Variants in JAKMIP1 observed in about 807,000 individuals in gnomAD.
The protein encoded by JAKMIP1 is janus kinase and microtubule interacting protein 1.
A neutral mutation model predicts 113.0 loss-of-function variants in JAKMIP1; 33 were observed. The ratio of observed to expected loss-of-function variants is 0.29; its 90% CI spans 0.22 to 0.39. JAKMIP1 has a LOEUF of 0.39. Among genes scored for constraint, JAKMIP1 ranks in the 10% least tolerant of loss-of-function variants. The probability of loss-of-function intolerance (pLI) is 1.00; values close to 1 mark genes in which losing one functional copy is unlikely to be tolerated. For synonymous variants in JAKMIP1, 480 were observed against 459.9 expected (o/e 1.04, Z -0.56); for missense variants, 813 against 1,080.5 (o/e 0.75, Z 3.47).
chr4:6,156,830 G>A lies in JAKMIP1; in HGVS notation c.-148+43423C>T, dbSNP rs1485224667. ...CACACCTGGCACATGGACATGGTCT[G>A]CCCATGATAGGTGTTGGTCACGTTA... On this transcript the variant is annotated intron_variant, in intron 1 of 20. Coordinates refer to ENST00000409021, the MANE Select transcript of JAKMIP1 (RefSeq NM_001099433.2). This position sits in a 1 kb window ranked among gnomAD's most constrained non-coding sequence, Gnocchi z 5.0. 1.3e-5 allele frequency among the ~76,000 whole-genome samples: 2 copies of A among 152,218 alleles called. No homozygotes were observed. The highest frequency in any genetic ancestry group is 4.8e-5 in the African/African-American group (2 of 41,454).
rs974941675 is a variant in JAKMIP1, at chr4:6,044,461, C to T, written c.2029-2234G>A. Among the ~76,000 whole-genome samples, 8 of 143,952 alleles carry T rather than the reference C, an allele frequency of 5.6e-5. No homozygotes were observed. In the East Asian group the frequency reaches 7.8e-4, roughly 14 times the overall value. 94.4% of individuals were successfully genotyped at this position (143,952 alleles called of 152,430 possible). A position where few individuals can be genotyped will look rare whatever the true frequency, so the allele number is the denominator to read the frequency against. ...CCCAGTACGGGCTCTGTGCCAGCCACGGTGGCAGCACCCAGCACCCTGTGC... is the reference window on the plus strand; with the variant it reads ...CCCAGTACGGGCTCTGTGCCAGCCATGGTGGCAGCACCCAGCACCCTGTGC... On this transcript the variant is annotated intron_variant, in intron 16 of 20. Transcript: ENST00000409021. This position sits in a 1 kb window ranked among gnomAD's most constrained non-coding sequence, Gnocchi z 4.4.
Position 6,098,554 on chromosome 4 carries a change from GAAAGAAAGAA to G in JAKMIP1, c.624+6909_624+6918del, listed in dbSNP as rs1468955271. Among the ~76,000 whole-genome samples, 7 of 121,210 alleles carry G rather than the reference GAAAGAAAGAA, an allele frequency of 5.8e-5. No homozygotes were observed. In the South Asian group the frequency reaches 7.3e-4, roughly 13 times the overall value. The allele number at this position is 121,210 out of a possible 152,430, so 79.5% of individuals were successfully genotyped here. The stretch of plus-strand genomic sequence containing the variant: ...AGAGAGAGAGAGAAAGAAAAAGAAA[GAAAGAAAGAA>G]AGAAAGAAAGAAAGAAAGAAGGAAA... On this transcript the variant is annotated intron_variant, in intron 3 of 20. Coordinates refer to ENST00000409021, the MANE Select transcript of JAKMIP1 (RefSeq NM_001099433.2).
At position 6,116,031 on chromosome 4, in the gene JAKMIP1, G is replaced by C. The variant is rs1328187258; in HGVS notation, c.-147-3034C>G. ...ATAAATCTCCATGGGCTGATACCAA[G>C]CCTGGTACTCTCAACACCCCATGCC... On this transcript the variant is annotated intron_variant, in intron 1 of 20. Transcript: ENST00000409021. The surrounding 1 kb of genome is among the most constrained non-coding windows in gnomAD (Gnocchi z 5.1). Among the ~76,000 whole-genome samples the C allele has an allele frequency of 1.3e-5, 2 of 152,144 alleles. No homozygotes were observed. Among genetic ancestry groups the C allele is most frequent in the Non-Finnish European group, 2.9e-5 (2 of 68,020 alleles).
At chr4:6,122,410 G>A (rs1716843361) in intron 1 of JAKMIP1, among the ~76,000 whole-genome samples, 1 of 152,060 alleles carries the variant, frequency 6.6e-6, no homozygotes, top group Admixed American at 6.6e-5. Context: ...AGGGTACTTG[G>A]GTTTTTCCTT....
chr4:6,046,975 G>A (rs1053515398), intron 16 of JAKMIP1, among the ~76,000 whole-genome samples: 18 of 152,206 alleles, frequency 1.2e-4, no homozygotes, highest in Admixed American at 9.2e-4. Flanking sequence ...TTGCTCACCC[G>A]GTCCACAGGC....
Position 6,192,361 on chromosome 4 carries a change from G to A in JAKMIP1, c.-148+7892C>T, listed in dbSNP as rs1307553618. Among the ~76,000 whole-genome samples the A allele has an allele frequency of 6.6e-6, 1 of 152,172 alleles. No homozygotes were observed. On this transcript the variant is annotated intron_variant, in intron 1 of 20. Coordinates refer to ENST00000409021, the MANE Select transcript of JAKMIP1 (RefSeq NM_001099433.2). The surrounding 1 kb of genome is among the most constrained non-coding windows in gnomAD (Gnocchi z 5.0). ...TCCAGGAGGTCCCCTGGTGGCCTCA[G>A]GACAAGTGTATGAGTCACCTGGCAT...
intron 1 of JAKMIP1, among the ~76,000 whole-genome samples, chr4:6,171,222 CCACCATTCCCACTGCCATACCACCAT>C (rs1354183981): frequency 7.3e-5 from 11 of 149,812 alleles, no homozygotes; most frequent in African/African-American, 2.7e-4. Context: ...ATCACCACCA[CCACCATTCCCACTGCCATACCACCAT>C]CACCATCACA....
chr4:6,100,743 CTG>C (rs1712872352), intron 3 of JAKMIP1, among the ~76,000 whole-genome samples: 1 of 151,848 alleles, frequency 6.6e-6, no homozygotes, highest in South Asian at 2.1e-4. Flanking sequence ...TTACTATTGT[CTG>C]TTTTTTTTTA....
Position 6,153,519 on chromosome 4 carries a change from T to C in JAKMIP1, c.-147-40522A>G, listed in dbSNP as rs917049721. Among the ~76,000 whole-genome samples the C allele has an allele frequency of 1.2e-4, 18 of 152,374 alleles. No homozygotes were observed. In the South Asian group the frequency reaches 3.5e-3, roughly 30 times the overall value. The stretch of plus-strand genomic sequence containing the variant: ...CGCTGTGACTTCTGCATAAAATGCA[T>C]GGTTCTTCTTTTCTTAAAATTAGCT... On this transcript the variant is annotated intron_variant, in intron 1 of 20. Coordinates refer to ENST00000409021, the MANE Select transcript of JAKMIP1 (RefSeq NM_001099433.2). The surrounding 1 kb of genome is among the most constrained non-coding windows in gnomAD (Gnocchi z 4.9).
At chr4:6,075,192 A>G (rs1578162360) in intron 8 of JAKMIP1, among the ~76,000 whole-genome samples, 1 of 150,164 alleles carries the variant, frequency 6.7e-6, no homozygotes, top group South Asian at 2.1e-4. Flanking sequence ...AAGGAAAAAA[A>G]GTCTGTATAT....
intron 3 of JAKMIP1, among the ~76,000 whole-genome samples, chr4:6,095,525 C>T (rs1316443710): frequency 6.6e-6 from 1 of 152,192 alleles, no homozygotes; most frequent in Non-Finnish European, 1.5e-5. Flanking sequence ...TGCAGCCATA[C>T]ATCCTGTTTT....
rs1016658277 is a variant in JAKMIP1, at chr4:6,178,626, C to G, written c.-148+21627G>C. On this transcript the variant is annotated intron_variant, in intron 1 of 20. Transcript: ENST00000409021. The surrounding 1 kb of genome is among the most constrained non-coding windows in gnomAD (Gnocchi z 5.5). ...GGTGAAGAAGGACGTGTTTGCTTCC[C>G]CTAATGCCATGATTGTAAGTTTTTT... 6.6e-6 allele frequency among the ~76,000 whole-genome samples: 1 copy of G among 152,144 alleles called. No individual in the cohort carries two copies. The highest frequency in any genetic ancestry group is 6.5e-5 in the Admixed American group (1 of 15,278).
intron 8 of JAKMIP1, among the ~76,000 whole-genome samples, chr4:6,068,029 C>T (rs1403621495): frequency 6.6e-6 from 1 of 152,230 alleles, no homozygotes; most frequent in Non-Finnish European, 1.5e-5. Flanking sequence ...TGGGCTGTGA[C>T]CATCCACGTC....
intron 1 of JAKMIP1, among the ~76,000 whole-genome samples, chr4:6,133,523 T>A (rs1322850088): frequency 6.6e-6 from 1 of 152,196 alleles, no homozygotes; most frequent in Non-Finnish European, 1.5e-5. Flanking sequence ...GATTCATTCA[T>A]CTCCCCTCTG....
chr4:6,036,167 A>C, intron 18 of JAKMIP1, 60 bp from the exon 19 acceptor site: 1 of 1,331,098 alleles, frequency 7.5e-7, no homozygotes, highest in Non-Finnish European at 1.0e-6. Flanking sequence ...AGGAACCACC[A>C]GAAGGCTGCT....
Position 6,167,138 on chromosome 4 carries a change from C to T in JAKMIP1, c.-148+33115G>A, listed in dbSNP as rs1723741290. On this transcript the variant is annotated intron_variant, in intron 1 of 20. Transcript: ENST00000409021. The surrounding 1 kb of genome is among the most constrained non-coding windows in gnomAD (Gnocchi z 5.3). ...AATTCTTGAAATCCATCGTCTTCCC[C>T]TAGACCTGCTCCTCCTTCCAGGGCC... Among the ~76,000 whole-genome samples, 1 of 152,142 alleles carries T rather than the reference C, an allele frequency of 6.6e-6. No individual in the cohort carries two copies. Among genetic ancestry groups the T allele is most frequent in the African/African-American group, 2.4e-5 (1 of 41,426 alleles).
intron 1 of JAKMIP1, among the ~76,000 whole-genome samples, chr4:6,132,426 G>C (rs1718627681): frequency 6.6e-6 from 1 of 152,142 alleles, no homozygotes; most frequent in African/African-American, 2.4e-5. Context: ...CAGATCACTT[G>C]AGGTCAGGAG....
At chr4:6,066,748 C>T (rs1352202679) in intron 8 of JAKMIP1, among the ~76,000 whole-genome samples, 2 of 152,094 alleles carry the variant, frequency 1.3e-5, no homozygotes, top group East Asian at 1.9e-4. Context: ...CCATTGGGAC[C>T]TTCATCTTGG....
rs767305270 is a variant in JAKMIP1, at chr4:6,140,619, G to A, written c.-147-27622C>T. On this transcript the variant is annotated intron_variant, in intron 1 of 20. Transcript: ENST00000409021. The surrounding 1 kb of genome is among the most constrained non-coding windows in gnomAD (Gnocchi z 9.4). The stretch of plus-strand genomic sequence containing the variant: ...CTGTCCCCACTGCTCCTGGAGGGGT[G>A]GAGAAATACATGATTTTGTTTATCT... 3.3e-4 allele frequency among the ~76,000 whole-genome samples: 50 copies of A among 152,128 alleles called. No individual in the cohort carries two copies. The highest frequency in any genetic ancestry group is 7.9e-4 in the Admixed American group (12 of 15,280).
Sources: allele counts gnomAD v4.1 joint callset (sites outside exome capture counted in the v4.1 genomes callset), GRCh38; gene constraint gnomAD v4.1.1; non-coding constraint Gnocchi (gnomAD v3.1); transcripts MANE v1.5; gene names NCBI Gene and HGNC (gene_info 2026-07-23, HGNC 2026-07-21).